TRMT11: variants seen among roughly 807,000 people sequenced by gnomAD.
TRMT11 encodes the protein tRNA methyltransferase 11, also known as tRNA (guanine(10)-N(2))-methyltransferase TRMT11.
TRMT11 carries 53 observed loss-of-function variants against 62.8 expected under a neutral mutation model. The ratio of observed to expected loss-of-function variants is 0.84; its 90% CI spans 0.68 to 1.06. The LOEUF is 1.06. TRMT11 is among the 50% of genes least tolerant of loss of function. The pLI is 0.00. For synonymous variants in TRMT11, 188 were observed against 190.3 expected (o/e 0.99, Z 0.10); for missense variants, 556 against 553.4 (o/e 1.00, Z -0.05).
intron 21 of TRMT11, among the ~76,000 whole-genome samples, chr6:126,123,449 A>T (rs1777673667): frequency 2.0e-5 from 3 of 152,084 alleles, no homozygotes; most frequent in Non-Finnish European, 2.9e-5. Context: ...GACAGACTTG[A>T]ACACTCCCAG....
At chr6:126,125,356 C>A (rs1777704533) in intron 21 of TRMT11, among the ~76,000 whole-genome samples, 1 of 151,894 alleles carries the variant, frequency 6.6e-6, no homozygotes, top group African/African-American at 2.4e-5. Context: ...TTTAATTTTT[C>A]ACCTTGACTT....
At chr6:126,264,166 A>G in the TRMT11 span, among the ~76,000 whole-genome samples, 1 of 152,210 alleles carries the variant, frequency 6.6e-6, no homozygotes, top group African/African-American at 2.4e-5. Flanking sequence ...GATATAGTCC[A>G]TTGTAAGCAT....
intron 7 of TRMT11, among the ~76,000 whole-genome samples, chr6:126,004,741 G>T (rs1583674280): frequency 6.6e-6 from 1 of 152,136 alleles, no homozygotes; most frequent in Admixed American, 6.6e-5. Context: ...TGAAATGTAT[G>T]TAGTTTCCCA....
At chr6:126,093,116 A>C (rs1200118698) in intron 17 of TRMT11, among the ~76,000 whole-genome samples, 1 of 152,170 alleles carries the variant, frequency 6.6e-6, no homozygotes, top group Admixed American at 6.5e-5. Context: ...GTCTTTTTGG[A>C]GAAAGTATTA....
intron 3 of TRMT11, among the ~76,000 whole-genome samples, chr6:125,997,605 T>C (rs1791741240): frequency 6.6e-6 from 1 of 152,214 alleles, no homozygotes; most frequent in Admixed American, 6.5e-5. Flanking sequence ...GTTCCAGGGC[T>C]CAGGTGATCC....
the TRMT11 span, among the ~76,000 whole-genome samples, chr6:126,210,160 T>G: frequency 6.6e-6 from 1 of 152,236 alleles, no homozygotes; most frequent in Admixed American, 6.5e-5. Context: ...GAGATCATGC[T>G]GGTTGAGCCT....
At chr6:126,035,256 A>T (rs1030822880) in intron 12 of TRMT11, among the ~76,000 whole-genome samples, 1 of 152,114 alleles carries the variant, frequency 6.6e-6, no homozygotes, top group African/African-American at 2.4e-5. Context: ...TTTATGAACT[A>T]TGGTCTTTCC....
chr6:126,223,580 T>A, the TRMT11 span, among the ~76,000 whole-genome samples: 1 of 152,240 alleles, frequency 6.6e-6, no homozygotes, highest in Admixed American at 6.5e-5. Context: ...TCTTTCTAGC[T>A]GCCTTTAATA....
intron 7 of TRMT11, among the ~76,000 whole-genome samples, chr6:126,002,418 T>A (rs1792657602): frequency 6.6e-6 from 1 of 152,136 alleles, no homozygotes; most frequent in Non-Finnish European, 1.5e-5. Context: ...CATCAACACA[T>A]TTACTCTTTT....
chr6:126,060,410 T>G (rs1776498751), intron 17 of TRMT11, among the ~76,000 whole-genome samples: 1 of 152,214 alleles, frequency 6.6e-6, no homozygotes, highest in African/African-American at 2.4e-5. Context: ...TGGCTCAAGC[T>G]GTCCACCAGA....
chr6:126,258,091 C>A, the TRMT11 span: 8 of 1,025,904 alleles, frequency 7.8e-6, no homozygotes, highest in South Asian at 8.8e-5. Flanking sequence ...ATCTCCAGTT[C>A]TGGGATCTCC....
chr6:126,186,375 A>G (rs1778527987), intron 1 of TRMT11, among the ~76,000 whole-genome samples: 2 of 152,208 alleles, frequency 1.3e-5, no homozygotes, highest in Non-Finnish European at 2.9e-5. Context: ...GATCTATAAA[A>G]ATATCTAAAT....
chr6:126,226,963 CTCTT>C, the TRMT11 span, among the ~76,000 whole-genome samples: 3 of 152,172 alleles, frequency 2.0e-5, no homozygotes, highest in Non-Finnish European at 2.9e-5. Flanking sequence ...CCTGCACAAA[CTCTT>C]TCTTTGCCTG....
intron 11 of TRMT11, among the ~76,000 whole-genome samples, chr6:126,016,650 A>G (rs1408245741): frequency 6.6e-6 from 1 of 151,812 alleles, no homozygotes; most frequent in Non-Finnish European, 1.5e-5. Flanking sequence ...TTCCAAATAC[A>G]TATAACCAAA....
At chr6:126,179,722 C>G (rs2128240324) in intron 1 of TRMT11, among the ~76,000 whole-genome samples, 1 of 152,240 alleles carries the variant, frequency 6.6e-6, no homozygotes, top group Non-Finnish European at 1.5e-5. Context: ...AACTATAAGA[C>G]AGCTCACAAA....
chr6:126,024,118 G>C (rs1037463052), intron 12 of TRMT11, among the ~76,000 whole-genome samples: 2 of 152,188 alleles, frequency 1.3e-5, no homozygotes, highest in Non-Finnish European at 2.9e-5. Flanking sequence ...ATATACAACT[G>C]AATATTGTTT....
chr6:126,048,924 C>T (rs1486273641), intron 16 of TRMT11, among the ~76,000 whole-genome samples: 1 of 152,332 alleles, frequency 6.6e-6, no homozygotes, highest in African/African-American at 2.4e-5. Flanking sequence ...ACTCCAGCCA[C>T]ACCACTTTGG....
chr6:126,236,685 A>G, the TRMT11 span, among the ~76,000 whole-genome samples: 1 of 152,218 alleles, frequency 6.6e-6, no homozygotes, highest in Non-Finnish European at 1.5e-5. Flanking sequence ...TTACAATAGG[A>G]AGGAATATTT....
At chr6:126,022,548 T>C (rs1332099836) in intron 12 of TRMT11, among the ~76,000 whole-genome samples, 1 of 152,224 alleles carries the variant, frequency 6.6e-6, no homozygotes, top group Non-Finnish European at 1.5e-5. Context: ...CTGGTTTATG[T>C]TCACAGTCTC....
Sources: gnomAD v4.1 joint callset for allele counts (sites outside exome capture counted in the v4.1 genomes callset) on GRCh38, gnomAD v4.1.1 for gene constraint, MANE v1.5 for transcripts, NCBI Gene and HGNC (gene_info 2026-07-23, HGNC 2026-07-21) for gene names.